The following DNAJC13 variants were observed in gnomAD, a reference collection of about 807,000 sequenced individuals.
DNAJC13 encodes dnaJ homolog subfamily C member 13.
Under a neutral mutation model 290.5 loss-of-function variants are expected in DNAJC13, and 75 were observed. The observed-to-expected ratio is 0.26, with a 90% CI of 0.21 to 0.31. The LOEUF is 0.31. DNAJC13 is among the 10% of genes least tolerant of loss of function. The pLI, the probability that DNAJC13 is intolerant of heterozygous loss-of-function variation, is 1.00. For synonymous variants in DNAJC13, 862 were observed against 892.0 expected (o/e 0.97, Z 0.60); for missense variants, 2,260 against 2,674.5 (o/e 0.85, Z 3.42).
intron 55 of DNAJC13, among the ~76,000 whole-genome samples, chr3:132,533,304 T>G (rs1936480501): frequency 6.6e-6 from 1 of 151,070 alleles, no homozygotes; most frequent in South Asian, 2.1e-4. Context: ...AGCATTGGGA[T>G]TACAGGCGTG....
intron 1 of DNAJC13, among the ~76,000 whole-genome samples, chr3:132,426,775 A>C (rs949271655): frequency 6.6e-6 from 1 of 152,098 alleles, no homozygotes; most frequent in Non-Finnish European, 1.5e-5. Flanking sequence ...CTGCAGATTA[A>C]ATTTATTTTG....
chr3:132,485,858 A>T (rs566454438), intron 29 of DNAJC13, among the ~76,000 whole-genome samples: 1 of 152,340 alleles, frequency 6.6e-6, no homozygotes, highest in African/African-American at 2.4e-5. Context: ...TCAGATTAAC[A>T]TTAAACCCAA....
intron 29 of DNAJC13, among the ~76,000 whole-genome samples, chr3:132,486,181 C>T (rs180911448): frequency 4.4e-4 from 57 of 130,574 alleles, no homozygotes; most frequent in African/African-American, 1.4e-3. Flanking sequence ...CATTTCCATT[C>T]GTATCCTTCA....
At chr3:132,419,466 GTTGCC>G (rs1938893343) in intron 1 of DNAJC13, among the ~76,000 whole-genome samples, 1 of 152,188 alleles carries the variant, frequency 6.6e-6, no homozygotes, top group Non-Finnish European at 1.5e-5. Flanking sequence ...ATAGAAGATG[GTTGCC>G]TTGCCCAGGT....
intron 51 of DNAJC13, among the ~76,000 whole-genome samples, chr3:132,524,204 G>A (rs773125616): frequency 1.3e-5 from 2 of 152,198 alleles, no homozygotes; most frequent in Non-Finnish European, 2.9e-5. Context: ...GAGTGAAAAG[G>A]TAACTTTGGT....
At chr3:132,427,119 G>GTA (rs770455260) in intron 1 of DNAJC13, among the ~76,000 whole-genome samples, 17,749 of 120,768 alleles carry the variant, frequency 0.15, 1,487 homozygotes, top group Admixed American at 0.23. Context: ...GTGTGTGTGT[G>GTA]TATATATATA....
At chr3:132,470,059 C>T (rs1403296003) in intron 20 of DNAJC13, among the ~76,000 whole-genome samples, 1 of 99,742 alleles carries the variant, frequency 1.0e-5, no homozygotes, top group Non-Finnish European at 1.9e-5. Context: ...GGTCATGGGA[C>T]AATAGTGGAG....
chr3:132,474,830 T>G, intron 21 of DNAJC13, 102 bp from the exon 22 acceptor site: 1 of 151,820 alleles, frequency 6.6e-6, no homozygotes, highest in Non-Finnish European at 1.4e-5. Flanking sequence ...CCCCCCCTTT[T>G]TTTTTTTTTT....
chr3:132,507,467 GTGC>G (rs1179323879), intron 43 of DNAJC13, 114 bp downstream of exon 43: 30 of 666,526 alleles, frequency 4.5e-5, no homozygotes, highest in African/African-American at 1.3e-4. Context: ...TTTCTTTACT[GTGC>G]TGCTTTTTTT....
At chr3:132,498,436 T>G (rs1935302509) in intron 36 of DNAJC13, among the ~76,000 whole-genome samples, 1 of 152,170 alleles carries the variant, frequency 6.6e-6, no homozygotes, top group Non-Finnish European at 1.5e-5. Flanking sequence ...GTGCATTTGC[T>G]GTACCTTGCG....
At chr3:132,523,746 G>C in intron 51 of DNAJC13, 33 bp downstream of exon 51, 1 of 1,595,748 alleles carries the variant, frequency 6.3e-7, no homozygotes. Context: ...ACATTTCAAA[G>C]ACTTGGCTAA....
At chr3:132,508,105 A>T (rs1393280692) in intron 43 of DNAJC13, among the ~76,000 whole-genome samples, 1 of 152,238 alleles carries the variant, frequency 6.6e-6, no homozygotes, top group African/African-American at 2.4e-5. Context: ...CAGACCAGCC[A>T]CAACATTCCC....
At chr3:132,427,631 G>A (rs1461916274) in intron 1 of DNAJC13, among the ~76,000 whole-genome samples, 2 of 152,046 alleles carry the variant, frequency 1.3e-5, no homozygotes, top group African/African-American at 2.4e-5. Context: ...ACTTTTGAAG[G>A]TGAACATTCT....
intron 55 of DNAJC13, among the ~76,000 whole-genome samples, chr3:132,532,054 C>G (rs1936432867): frequency 6.6e-6 from 1 of 152,156 alleles, no homozygotes; most frequent in South Asian, 2.1e-4. Context: ...GAGGCAATAT[C>G]TAGTCTGCTA....
chr3:132,516,604 A>G, intron 47 of DNAJC13, 100 bp from the exon 48 acceptor site: 2 of 1,527,632 alleles, frequency 1.3e-6, no homozygotes, highest in Non-Finnish European at 1.8e-6. Context: ...GAATGTTTAC[A>G]GTTTTTAAAA....
chr3:132,525,460 C>A, intron 51 of DNAJC13, 150 bp from the exon 52 acceptor site: 2 of 690,596 alleles, frequency 2.9e-6, no homozygotes, highest in Non-Finnish European at 4.7e-6. Flanking sequence ...ATGGGAAGTT[C>A]GTTGTTCTCT....
chr3:132,433,672 T>C (rs1332081121), intron 1 of DNAJC13, among the ~76,000 whole-genome samples: 3 of 152,242 alleles, frequency 2.0e-5, no homozygotes, highest in African/African-American at 4.8e-5. Flanking sequence ...CAAAAAACTT[T>C]TGGAACTGGT....
At chr3:132,474,902 C>G (rs752226466) in intron 21 of DNAJC13, 30 bp from the exon 22 acceptor site, 96 of 1,226,172 alleles carry the variant, frequency 7.8e-5, no homozygotes, top group Admixed American at 4.6e-4. Context: ...TTAGTGCATC[C>G]TGCTATTTCC....
chr3:132,434,632 T>C lies in DNAJC13; in HGVS notation c.68+14T>C. 3 of 1,588,662 alleles carry C rather than the reference T, an allele frequency of 1.9e-6. No individual in the cohort carries two copies. Among genetic ancestry groups the C allele is most frequent in the East Asian group, 2.2e-5 (1 of 44,716 alleles). ...ATGGAGGGGGAAGTAAGTATTCTTGTTGGGTTTTTTTTTCTGTGCTTCTAT... is the reference window on the plus strand; with the variant it reads ...ATGGAGGGGGAAGTAAGTATTCTTGCTGGGTTTTTTTTTCTGTGCTTCTAT... On this transcript the variant is annotated intron_variant, in intron 2 of 55. Coordinates refer to ENST00000260818, the MANE Select transcript of DNAJC13 (RefSeq NM_015268.4).
Sources: gnomAD v4.1 joint callset for allele counts (sites outside exome capture counted in the v4.1 genomes callset) on GRCh38, gnomAD v4.1.1 for gene constraint, MANE v1.5 for transcripts, NCBI Gene and HGNC (gene_info 2026-07-23, HGNC 2026-07-21) for gene names.